The following HIVEP3 variants were observed in gnomAD, a reference collection of about 807,000 sequenced individuals.
HIVEP3 encodes the protein HIVEP zinc finger 3, also known as transcription factor HIVEP3.
A neutral mutation model predicts 152.8 loss-of-function variants in HIVEP3; 49 were observed. The observed-to-expected ratio is 0.32, with a 90% CI of 0.26 to 0.41. The LOEUF (loss-of-function observed/expected upper bound fraction) is 0.41. HIVEP3 is among the 10% of genes least tolerant of loss of function. HIVEP3 has a pLI of 1.00. For missense variants in HIVEP3, 2,790 were observed against 3,103.3 expected (o/e 0.90, Z 2.40); for synonymous variants, 1,269 against 1,289.0 (o/e 0.98, Z 0.33).
chr1:41,663,775 T>G (rs936581500), intron 2 of HIVEP3, among the ~76,000 whole-genome samples: 12 of 152,126 alleles, frequency 7.9e-5, no homozygotes, highest in Non-Finnish European at 1.8e-4. Context: ...GTCTGCACAC[T>G]CACGTACACG....
rs1175241240 is a variant in HIVEP3 at position 41,583,274 on chromosome 1, G to T, written c.1524C>A (p.Pro508=). 1.2e-6 allele frequency: 2 copies of T among 1,613,442 alleles called. No homozygotes were observed. Among genetic ancestry groups the T allele is most frequent in the Non-Finnish European group, 1.7e-6 (2 of 1,179,856 alleles). ...TGGTTTTCTCACTGTGGGATGACAG[G>T]GGCTCCCGGTAGAGGCTGGATTTTG... ...ESPKSSLYRE[P]LSSHSEKTKP... The change falls in exon 4 of 9, where the codon CCC becomes CCA. Residue 508 remains proline, a synonymous_variant. Transcript: ENST00000372583. The surrounding 1 kb of genome is among the most constrained non-coding windows in gnomAD (Gnocchi z 6.9).
At chr1:41,979,438 C>T (rs1160518602) in intron 1 of HIVEP3, among the ~76,000 whole-genome samples, 2 of 152,206 alleles carry the variant, frequency 1.3e-5, no homozygotes, top group Non-Finnish European at 2.9e-5. Context: ...GGCTTAGTCA[C>T]TTGTCCACAA....
In HIVEP3 at chr1:41,510,837, C is replaced by T; in HGVS notation, c.6835G>A (p.Glu2279Lys). The T allele has an allele frequency of 6.2e-7, 1 of 1,613,140 alleles. No homozygotes were observed. The highest frequency in any genetic ancestry group is 1.1e-5 in the South Asian group (1 of 91,074). ...CTGCCCGGGCCTCCGCCGGTCCTCTCCCTCTCCTTGGGGTAGTCCCCGCCC... is the reference window on the plus strand; with the variant it reads ...CTGCCCGGGCCTCCGCCGGTCCTCTTCCTCTCCTTGGGGTAGTCCCCGCCC... The part of the protein sequence containing the change: ...LEGGDYPKER[E>K]RTGGGPGRPP... The change falls in exon 9 of 9, where the codon GAG becomes AAG. Residue 2279 changes from glutamate (E) to lysine (K), a missense_variant. Coordinates refer to ENST00000372583, the MANE Select transcript of HIVEP3 (RefSeq NM_024503.5).
At chr1:41,787,430 C>A (rs1297258214) in intron 1 of HIVEP3, among the ~76,000 whole-genome samples, 3 of 151,830 alleles carry the variant, frequency 2.0e-5, no homozygotes, top group African/African-American at 4.8e-5. Context: ...CTGGGCATAC[C>A]CCCTCCCTAC....
At chr1:42,008,160 C>G (rs563543710) in intron 1 of HIVEP3, among the ~76,000 whole-genome samples, 1 of 152,032 alleles carries the variant, frequency 6.6e-6, no homozygotes. Flanking sequence ...TGTACAGAAC[C>G]AAGAAGTCTG....
chr1:41,570,385 A>G (rs1423032775), intron 5 of HIVEP3, among the ~76,000 whole-genome samples: 1 of 152,198 alleles, frequency 6.6e-6, no homozygotes. Flanking sequence ...AGTTTCCCCT[A>G]TACCATTCTG....
intron 1 of HIVEP3, among the ~76,000 whole-genome samples, chr1:41,985,033 A>G (rs1570867881): frequency 1.3e-5 from 2 of 151,538 alleles, no homozygotes; most frequent in East Asian, 1.9e-4. Flanking sequence ...TTCCCAGGGG[A>G]TGACTGATTG....
At chr1:41,783,952 T>A (rs1354066055) in intron 1 of HIVEP3, among the ~76,000 whole-genome samples, 1 of 152,248 alleles carries the variant, frequency 6.6e-6, no homozygotes, top group African/African-American at 2.4e-5. Context: ...GGGGTGGATT[T>A]AGAATCAGAC....
rs1001806841 is a variant in HIVEP3 at position 41,700,940 on chromosome 1, A to G, written c.-745T>C. 1.0e-6 allele frequency: 1 copy of G among 984,912 alleles called. No individual in the cohort carries two copies. Among genetic ancestry groups the G allele is most frequent in the Non-Finnish European group, 1.2e-6 (1 of 829,496 alleles). 61.0% of individuals were successfully genotyped at this position (984,912 alleles called of 1,614,324 possible). ...CCTGCCAAAAACCAGCCGTGGTCTC[A>G]TGGTCAAGATGTGTCAGAGATTTCT... On this transcript the variant is annotated 5_prime_UTR_variant, in exon 2 of 9. An upstream start codon of the reference 5' UTR is lost. Coordinates refer to ENST00000372583, the MANE Select transcript of HIVEP3 (RefSeq NM_024503.5).
chr1:41,951,858 G>T (rs1645110876), intron 1 of HIVEP3, among the ~76,000 whole-genome samples: 1 of 152,188 alleles, frequency 6.6e-6, no homozygotes, highest in Admixed American at 6.5e-5. Flanking sequence ...CCCACAACAT[G>T]TGGGGATTGT....
intron 2 of HIVEP3, among the ~76,000 whole-genome samples, chr1:41,629,969 C>A (rs568778323): frequency 1.3e-5 from 2 of 152,266 alleles, no homozygotes; most frequent in Admixed American, 1.3e-4. Context: ...AAAAGACACA[C>A]GCATTTGTAT....
At chr1:41,881,480 A>C (rs887797240) in intron 1 of HIVEP3, among the ~76,000 whole-genome samples, 1 of 152,220 alleles carries the variant, frequency 6.6e-6, no homozygotes, top group African/African-American at 2.4e-5. Context: ...AGTTCTAAAA[A>C]CGATATGCTG....
chr1:41,850,307 G>A (rs1643560612), intron 1 of HIVEP3, among the ~76,000 whole-genome samples: 1 of 150,568 alleles, frequency 6.6e-6, no homozygotes, highest in Non-Finnish European at 1.5e-5. Flanking sequence ...CCAAAGCAGA[G>A]GCACAGAAAA....
chr1:41,946,349 C>T (rs993403402), intron 1 of HIVEP3, among the ~76,000 whole-genome samples: 3 of 152,166 alleles, frequency 2.0e-5, no homozygotes, highest in Non-Finnish European at 4.4e-5. Flanking sequence ...CTCAGAGCCC[C>T]GGGTATGTTT....
chr1:41,722,292 C>G (rs1407603652), intron 1 of HIVEP3, among the ~76,000 whole-genome samples: 1 of 152,240 alleles, frequency 6.6e-6, no homozygotes, highest in Non-Finnish European at 1.5e-5. Flanking sequence ...CCAGCACAGG[C>G]CTGGGATGTA....
intron 1 of HIVEP3, among the ~76,000 whole-genome samples, chr1:41,985,068 A>AT (rs1373626171): frequency 1.2e-4 from 19 of 152,014 alleles, no homozygotes; most frequent in Admixed American, 1.1e-3. Flanking sequence ...TGATTGATTG[A>AT]TTTTTCCAAG....
chr1:41,528,201 C>T (rs1480625907), intron 5 of HIVEP3, among the ~76,000 whole-genome samples: 10 of 138,828 alleles, frequency 7.2e-5, no homozygotes, highest in African/African-American at 1.6e-4. Context: ...TCACACACCC[C>T]TGCCCTCACA....
chr1:42,013,029 A>G (rs1645502293), intron 1 of HIVEP3, among the ~76,000 whole-genome samples: 1 of 152,206 alleles, frequency 6.6e-6, no homozygotes, highest in Non-Finnish European at 1.5e-5. Context: ...TAAACAACAA[A>G]AATTTATTGT....
In HIVEP3 at chr1:41,584,802, T is replaced by C; in HGVS notation, c.-5A>G. 2 of 1,503,196 alleles carry C rather than the reference T, an allele frequency of 1.3e-6. No homozygotes were observed. Among genetic ancestry groups the C allele is most frequent in the Non-Finnish European group, 1.8e-6 (2 of 1,126,368 alleles). 93.1% of individuals were successfully genotyped at this position (1,503,196 alleles called of 1,614,324 possible). On this transcript the variant is annotated 5_prime_UTR_variant, in exon 4 of 9. Coordinates refer to ENST00000372583, the MANE Select transcript of HIVEP3 (RefSeq NM_024503.5). The surrounding 1 kb of genome is among the most constrained non-coding windows in gnomAD (Gnocchi z 5.2). ...GACACTTTGTTCAGGATCCATGACC[T>C]TCACAAAGACTTCAGATGCTATTCA...
Sources: allele counts gnomAD v4.1 joint callset (sites outside exome capture counted in the v4.1 genomes callset), GRCh38; gene constraint gnomAD v4.1.1; non-coding constraint Gnocchi (gnomAD v3.1); transcripts MANE v1.5; gene names NCBI Gene and HGNC (gene_info 2026-07-23, HGNC 2026-07-21).